The following CC2D2A variants were observed in gnomAD, a reference collection of about 807,000 sequenced individuals.
CC2D2A encodes the protein coiled-coil and C2 domain containing 2A, also known as coiled-coil and C2 domain-containing protein 2A.
CC2D2A carries 155 observed loss-of-function variants against 212.9 expected under a neutral mutation model. The observed-to-expected ratio is 0.73, with a 90% CI of 0.64 to 0.83. The LOEUF (loss-of-function observed/expected upper bound fraction) is 0.83. CC2D2A is among the 40% of genes least tolerant of loss of function. The pLI, the probability that CC2D2A is intolerant of heterozygous loss-of-function variation, is 0.00. For synonymous variants in CC2D2A, 667 were observed against 686.5 expected (o/e 0.97, Z 0.44); for missense variants, 1,856 against 1,956.2 (o/e 0.95, Z 0.97).
intron 4 of CC2D2A, among the ~76,000 whole-genome samples, chr4:15,492,469 A>T (rs1427185005): frequency 1.3e-5 from 2 of 151,752 alleles, no homozygotes; most frequent in Non-Finnish European, 2.9e-5. Flanking sequence ...GCTCTCACTC[A>T]ACTCAGAGTT....
intron 17 of CC2D2A, among the ~76,000 whole-genome samples, chr4:15,545,376 C>T (rs1222626936): frequency 6.6e-6 from 1 of 152,052 alleles, no homozygotes; most frequent in East Asian, 1.9e-4. Context: ...TGTGAAAAGC[C>T]AACTGCGTAT....
At chr4:15,470,929 C>G (rs190958655) in intron 1 of CC2D2A, among the ~76,000 whole-genome samples, 1 of 152,054 alleles carries the variant, frequency 6.6e-6, no homozygotes, top group East Asian at 1.9e-4. Context: ...TTTATAAAAA[C>G]ACTGAGAGGA....
At chr4:15,596,017 T>A (rs2148493403) in intron 33 of CC2D2A, 68 bp from the exon 34 acceptor site, 1 of 1,227,594 alleles carries the variant, frequency 8.1e-7, no homozygotes, top group East Asian at 2.7e-5. Context: ...CACACATACA[T>A]CCATGCACAC....
intron 15 of CC2D2A, 28 bp downstream of exon 15, chr4:15,537,104 T>A (rs1291611794): frequency 1.2e-6 from 2 of 1,608,866 alleles, no homozygotes; most frequent in Non-Finnish European, 1.7e-6. Flanking sequence ...CAGCCTGGAA[T>A]AGGGCTGGCC....
At chr4:15,570,795 G>A (rs1720126557) in intron 28 of CC2D2A, among the ~76,000 whole-genome samples, 1 of 152,154 alleles carries the variant, frequency 6.6e-6, no homozygotes. Flanking sequence ...GGCTGAGGCA[G>A]GAGAACTGCT....
rs890421496 is a variant in CC2D2A at position 15,570,407 on chromosome 4, G to A, written c.3505G>A (p.Glu1169Lys). The change falls in exon 28 of 37, where the codon GAA becomes AAA. Residue 1169 changes from glutamate (E) to lysine (K), a missense_variant. By Grantham distance (56) the Glu-to-Lys change is moderately conservative. Coordinates refer to ENST00000424120, the MANE Select transcript of CC2D2A (RefSeq NM_001378615.1). ...VLHDVLEDDR[E>K]RGSGIHTRIE... ...CCCACCCTTCCTTTAGGATGACCGT[G>A]AAAGAGGAAGTGGAATCCATACTCG... The A allele has an allele frequency of 6.3e-7, 1 of 1,597,288 alleles. No homozygotes were observed. The highest frequency in any genetic ancestry group is 1.3e-5 in the African/African-American group (1 of 74,868).
chr4:15,550,833 A>G lies in CC2D2A; in HGVS notation c.2191A>G (p.Thr731Ala). 1 of 1,561,142 alleles carries G rather than the reference A, an allele frequency of 6.4e-7. No homozygotes were observed. ...PESLTLQVYE[T>A]VGHSSPTLLA... ...CTTCTCTGGTTTTCAGGTCTATGAA[A>G]CTGTCGGACACAGTAGTCCCACCTT... Residue 731 changes from threonine (T) to alanine (A), a missense_variant, in exon 18 of 37, where the codon ACT becomes GCT. Coordinates refer to ENST00000424120, the MANE Select transcript of CC2D2A (RefSeq NM_001378615.1).
In CC2D2A at chr4:15,550,982, T is replaced by C; in HGVS notation, c.2338+2T>C. On this transcript the variant is annotated splice_donor_variant, in intron 18 of 36. Transcript: ENST00000424120. LOFTEE classifies it high-confidence loss of function. Reference sequence around the variant, plus strand: ...TGGACCACGAGGGAGTTGGAAGTGGTATGGAAAGCTAATATCTTCAATGGT... The same window carrying C: ...TGGACCACGAGGGAGTTGGAAGTGGCATGGAAAGCTAATATCTTCAATGGT... The C allele has an allele frequency of 1.3e-6, 2 of 1,581,498 alleles. No individual in the cohort carries two copies. Among genetic ancestry groups the C allele is most frequent in the East Asian group, 2.3e-5 (1 of 44,362 alleles).
chr4:15,591,053 G>A (rs548069702), intron 33 of CC2D2A, among the ~76,000 whole-genome samples: 1 of 151,770 alleles, frequency 6.6e-6, no homozygotes, highest in African/African-American at 2.4e-5. Context: ...GTTTTTATGT[G>A]CTTCTGTCTA....
intron 33 of CC2D2A, among the ~76,000 whole-genome samples, chr4:15,594,217 C>CT (rs1281789036): frequency 1.3e-5 from 2 of 152,164 alleles, no homozygotes; most frequent in African/African-American, 4.8e-5. Context: ...TTCTCCCTCA[C>CT]TTCTTGCATT....
chr4:15,515,974 C>A lies in CC2D2A; in HGVS notation c.987C>A (p.Ile329=). ...RPEVARTNQN[I]MENRLLMQDP... ...AGGTGGCACGCACCAATCAGAACAT[C>A]ATGGAGAACAGATTGCTGATGCAGG... The change falls in exon 10 of 37, where the codon ATC becomes ATA. Residue 329 remains isoleucine (I), a synonymous_variant. Transcript: ENST00000424120. The A allele has an allele frequency of 6.3e-7, 1 of 1,588,798 alleles. No homozygotes were observed. Among genetic ancestry groups the A allele is most frequent in the Admixed American group, 1.8e-5 (1 of 56,638 alleles).
intron 11 of CC2D2A, 77 bp downstream of exon 11, chr4:15,516,833 A>T: frequency 7.3e-7 from 1 of 1,378,472 alleles, no homozygotes; most frequent in Non-Finnish European, 9.8e-7. Context: ...GGGGTGCTAT[A>T]TTTATAACAT....
At chr4:15,540,136 A>C (rs79897754) in intron 16 of CC2D2A, among the ~76,000 whole-genome samples, 2,391 of 151,972 alleles carry the variant, frequency 0.016, 24 homozygotes, top group Middle Eastern at 0.031. Context: ...CCCCTCCCCC[A>C]AAAAAAACCT....
chr4:15,597,205 G>T (rs1265841272), intron 34 of CC2D2A, among the ~76,000 whole-genome samples: 1 of 152,144 alleles, frequency 6.6e-6, no homozygotes, highest in African/African-American at 2.4e-5. Context: ...TACTTCTGTG[G>T]TAAGAGAGAA....
intron 6 of CC2D2A, among the ~76,000 whole-genome samples, chr4:15,506,155 G>A (rs1716244191): frequency 1.3e-5 from 2 of 152,132 alleles, no homozygotes; most frequent in African/African-American, 2.4e-5. Context: ...ATTACTTTAA[G>A]ATTATACAAA....
intron 26 of CC2D2A, 35 bp downstream of exon 26, chr4:15,567,821 C>T (rs1719961978): frequency 7.1e-7 from 1 of 1,418,146 alleles, no homozygotes; most frequent in Non-Finnish European, 9.6e-7. Context: ...AACTATAGGA[C>T]ATTTTGAAGA....
chr4:15,516,690 TTCAAGGCCGCCAGTACTAACACAGG>T lies in CC2D2A; in HGVS notation c.1084_1108del (p.Pro364AlafsTer14). 1 of 1,613,512 alleles carries T rather than the reference TTCAAGGCCGCCAGTACTAACACAGG, an allele frequency of 6.2e-7. No individual in the cohort carries two copies. The highest frequency in any genetic ancestry group is 8.5e-7 in the Non-Finnish European group (1 of 1,179,666). ...TGCCAAACCCCATCAAGCCATTTCC[TTCAAGGCCGCCAGTACTAACACAGG>T]AGCAGAGCATTAAGGCAGAGCTTGA... On this transcript the variant is annotated frameshift_variant, in exon 11 of 37. Transcript: ENST00000424120. LOFTEE classifies it high-confidence loss of function.
intron 4 of CC2D2A, among the ~76,000 whole-genome samples, chr4:15,502,062 A>G (rs368374953): frequency 1.5e-4 from 23 of 152,310 alleles, no homozygotes; most frequent in South Asian, 1.5e-3. Flanking sequence ...TCTCAAATCA[A>G]CAAACTTGAG....
chr4:15,529,726 T>C (rs1194562481), intron 13 of CC2D2A, among the ~76,000 whole-genome samples: 1 of 151,562 alleles, frequency 6.6e-6, no homozygotes, highest in Non-Finnish European at 1.5e-5. Flanking sequence ...GTAATTCTAC[T>C]GTAATTTAAA....
Sources: gnomAD v4.1 joint callset for allele counts (sites outside exome capture counted in the v4.1 genomes callset) on GRCh38, gnomAD v4.1.1 for gene constraint, MANE v1.5 for transcripts, NCBI Gene and HGNC (gene_info 2026-07-23, HGNC 2026-07-21) for gene names.